The following SLC25A12 variants were observed in gnomAD, a reference collection of about 807,000 sequenced individuals.
SLC25A12 encodes solute carrier family 25 member 12.
In SLC25A12, 32 loss-of-function variants were observed where a neutral mutation model predicts 83.3. The ratio of observed to expected loss-of-function variants is 0.38; its 90% CI spans 0.29 to 0.52. SLC25A12 has a LOEUF of 0.52. Among genes scored for constraint, SLC25A12 ranks in the 20% least tolerant of loss-of-function variants. The pLI, the probability that SLC25A12 is intolerant of heterozygous loss-of-function variation, is 0.84. For missense variants in SLC25A12, 611 were observed against 835.6 expected (o/e 0.73, Z 3.31); for synonymous variants, 267 against 291.1 (o/e 0.92, Z 0.84).
chr2:171,871,437 C>T (rs1036086698), intron 2 of SLC25A12, among the ~76,000 whole-genome samples: 4 of 152,178 alleles, frequency 2.6e-5, no homozygotes, highest in East Asian at 1.9e-4. Flanking sequence ...TGGTGGCATG[C>T]GCCTTTAGTC....
At chr2:171,817,568 T>C (rs1684079297) in intron 9 of SLC25A12, among the ~76,000 whole-genome samples, 1 of 117,508 alleles carries the variant, frequency 8.5e-6, no homozygotes, top group African/African-American at 3.3e-5. Flanking sequence ...ATCACTGCAC[T>C]CCAGCCTGAG....
At chr2:171,834,131 T>A (rs1036396393) in intron 7 of SLC25A12, 75 bp from the exon 8 acceptor site, 5 of 826,462 alleles carry the variant, frequency 6.0e-6, no homozygotes, top group Non-Finnish European at 1.1e-5. Flanking sequence ...TCACCAACTA[T>A]AATATAACCT....
intron 3 of SLC25A12, among the ~76,000 whole-genome samples, chr2:171,864,164 T>C (rs1481863266): frequency 1.3e-5 from 2 of 152,192 alleles, no homozygotes; most frequent in Non-Finnish European, 2.9e-5. Flanking sequence ...TCTGTGGTAA[T>C]GGAAATAATT....
intron 13 of SLC25A12, among the ~76,000 whole-genome samples, chr2:171,805,907 G>A (rs1268015294): frequency 6.6e-6 from 1 of 152,118 alleles, no homozygotes; most frequent in Non-Finnish European, 1.5e-5. Context: ...CCAGGAATTC[G>A]AGACCAGCCT....
At position 171,784,768 on chromosome 2, in the gene SLC25A12, A is replaced by G. The variant is rs1690455825; in HGVS notation, c.*506T>C. 2 of 169,164 alleles carry G rather than the reference A, an allele frequency of 1.2e-5. No individual in the cohort carries two copies. Among genetic ancestry groups the G allele is most frequent in the African/African-American group, 4.8e-5 (2 of 41,716 alleles). The allele number at this position is 169,164 out of a possible 1,614,324, so 10.5% of individuals were successfully genotyped here. Reference sequence around the variant, plus strand: ...TTTATTCCAGAATGGAAAACAAACTAGGAATTAAATACATCCAATATTGAT... The same window carrying G: ...TTTATTCCAGAATGGAAAACAAACTGGGAATTAAATACATCCAATATTGAT... On this transcript the variant is annotated 3_prime_UTR_variant, in exon 18 of 18. Coordinates refer to ENST00000422440, the MANE Select transcript of SLC25A12 (RefSeq NM_003705.5).
At chr2:171,796,922 G>C (rs1301692631) in intron 13 of SLC25A12, among the ~76,000 whole-genome samples, 1 of 152,120 alleles carries the variant, frequency 6.6e-6, no homozygotes, top group Non-Finnish European at 1.5e-5. Context: ...TAGGGAAGGG[G>C]GAGTAAAATC....
chr2:171,815,582 T>C (rs1350155962), intron 9 of SLC25A12, among the ~76,000 whole-genome samples: 1 of 152,218 alleles, frequency 6.6e-6, no homozygotes, highest in Non-Finnish European at 1.5e-5. Context: ...TTTTTCCTTC[T>C]TTAACTAACT....
intron 17 of SLC25A12, 53 bp downstream of exon 17, chr2:171,787,518 A>G (rs901428995): frequency 3.7e-6 from 5 of 1,359,814 alleles, no homozygotes; most frequent in Non-Finnish European, 5.3e-6. Context: ...CAGAACAAAC[A>G]TTTGTTTTGG....
At chr2:171,796,025 A>G (rs1574677421) in intron 13 of SLC25A12, among the ~76,000 whole-genome samples, 1 of 152,128 alleles carries the variant, frequency 6.6e-6, no homozygotes, top group East Asian at 1.9e-4. Context: ...GCTCACTGCA[A>G]CCTCAACCTC....
intron 9 of SLC25A12, among the ~76,000 whole-genome samples, 183 bp downstream of exon 9, chr2:171,826,615 T>A (rs1362661583): frequency 1.3e-5 from 2 of 152,000 alleles, no homozygotes; most frequent in African/African-American, 2.4e-5. Flanking sequence ...TCTCAAAAAA[T>A]ATATATATAT....
rs769190155 is a variant in SLC25A12, at chr2:171,834,073, A to G, written c.752-17T>C. ...CAAATTCCTCTGGAACAGAGAAAAA[A>G]AAAGTTAAAATCTTGAATGATTCTT... On this transcript the variant is annotated splice_polypyrimidine_tract_variant and intron_variant, in intron 7 of 17. Coordinates refer to ENST00000422440, the MANE Select transcript of SLC25A12 (RefSeq NM_003705.5). 4 of 1,463,722 alleles carry G rather than the reference A, an allele frequency of 2.7e-6. No individual in the cohort carries two copies. In the African/African-American group the frequency reaches 4.2e-5, roughly 15 times the overall value. 90.7% of individuals were successfully genotyped at this position (1,463,722 alleles called of 1,614,324 possible).
intron 8 of SLC25A12, among the ~76,000 whole-genome samples, chr2:171,829,170 T>C (rs926638557): frequency 2.0e-5 from 3 of 152,166 alleles, no homozygotes; most frequent in Admixed American, 6.5e-5. Flanking sequence ...TTAACCATAA[T>C]ATTGTATGGC....
chr2:171,894,209 C>T lies in SLC25A12; in HGVS notation c.6G>A (p.Ala2=), dbSNP rs1164922089. Reference sequence around the variant, plus strand: ...AGCAGAGAGTTGGAGTCACCTTGACCGCCATGCTGTGCTCGGAAGCCGGGG... The same window carrying T: ...AGCAGAGAGTTGGAGTCACCTTGACTGCCATGCTGTGCTCGGAAGCCGGGG... M[A]VKVQTTKRGD... is the part of the protein sequence containing the mutation. The change falls in exon 1 of 18, where the codon GCG becomes GCA. Residue 2 remains alanine (A), a synonymous_variant. Transcript: ENST00000422440. The T allele has an allele frequency of 6.2e-6, 10 of 1,608,884 alleles. No homozygotes were observed. Among genetic ancestry groups the T allele is most frequent in the Admixed American group, 3.4e-5 (2 of 59,534 alleles).
At chr2:171,847,633 T>C (rs1281280952) in intron 4 of SLC25A12, among the ~76,000 whole-genome samples, 1 of 152,170 alleles carries the variant, frequency 6.6e-6, no homozygotes, top group African/African-American at 2.4e-5. Context: ...AGTTCTGGCC[T>C]GGAAGAAAGG....
intron 3 of SLC25A12, among the ~76,000 whole-genome samples, chr2:171,866,288 C>T (rs1216200537): frequency 7.3e-6 from 1 of 137,340 alleles, no homozygotes; most frequent in Non-Finnish European, 1.6e-5. Context: ...CACCTTTCCC[C>T]CCTTTCTATT....
intron 13 of SLC25A12, among the ~76,000 whole-genome samples, chr2:171,795,815 T>G (rs1481104222): frequency 7.0e-6 from 1 of 142,152 alleles, no homozygotes; most frequent in African/African-American, 2.6e-5. Flanking sequence ...TCCTTCTCTC[T>G]TTTAGAAATA....
rs542449578 is a variant in SLC25A12, at chr2:171,813,513, T to A, written c.1013-16A>T. 1.2e-6 allele frequency: 2 copies of A among 1,613,486 alleles called. No individual in the cohort carries two copies. The highest frequency in any genetic ancestry group is 2.7e-5 in the African/African-American group (2 of 75,010). Reference sequence around the variant, plus strand: ...GCTCCCACAGCTACAAACAGAACAATTTTTAGGCTTAAAAAAGAACACAAT... The same window carrying A: ...GCTCCCACAGCTACAAACAGAACAAATTTTAGGCTTAAAAAAGAACACAAT... On this transcript the variant is annotated splice_polypyrimidine_tract_variant and intron_variant, in intron 10 of 17. Transcript: ENST00000422440.
rs150832118 is a variant in SLC25A12 at position 171,834,707 on chromosome 2, T to C, written c.751+20A>G. The C allele has an allele frequency of 2.8e-4, 459 of 1,610,990 alleles. 3 individuals are homozygous for C. In the East Asian group the frequency reaches 9.5e-3, roughly 33 times the overall value. ...GTGAAAATGCTGAGATTCTTATTTA[T>C]GTATATTTTAAAATCTTACCCTTTG... On this transcript the variant is annotated intron_variant, in intron 7 of 17. Transcript: ENST00000422440.
At chr2:171,834,126 A>G in intron 7 of SLC25A12, 70 bp from the exon 8 acceptor site, 1 of 863,690 alleles carries the variant, frequency 1.2e-6, no homozygotes, top group Non-Finnish European at 2.0e-6. Context: ...TACCTTCACC[A>G]ACTATAATAT....
Sources: gnomAD v4.1 joint callset for allele counts (sites outside exome capture counted in the v4.1 genomes callset) on GRCh38, gnomAD v4.1.1 for gene constraint, MANE v1.5 for transcripts, NCBI Gene and HGNC (gene_info 2026-07-23, HGNC 2026-07-21) for gene names.